CCDC171: variants seen among roughly 807,000 people sequenced by gnomAD.
The protein encoded by CCDC171 is coiled-coil domain-containing protein 171.
CCDC171 carries 177 observed loss-of-function variants against 168.2 expected under a neutral mutation model. The observed-to-expected ratio is 1.05, with a 90% CI of 0.93 to 1.19. The LOEUF is 1.19. Among genes scored for constraint, CCDC171 ranks in the 50% most tolerant of loss-of-function variants. The pLI, the probability that CCDC171 is intolerant of heterozygous loss-of-function variation, is 0.00. For synonymous variants in CCDC171, 687 were observed against 540.8 expected, an observed-to-expected ratio of 1.27 and a Z score of -3.75; for missense variants, 1,991 against 1,539.0, an observed-to-expected ratio of 1.29 and a Z score of -4.91.
chr9:15,665,358 A>G (rs2133139124), intron 8 of CCDC171, among the ~76,000 whole-genome samples: 1 of 152,352 alleles, frequency 6.6e-6, no homozygotes, highest in East Asian at 1.9e-4. Context: ...GTATTGTTTG[A>G]CAATAAGAAG....
intron 6 of CCDC171, among the ~76,000 whole-genome samples, chr9:16,029,685 A>T (rs1833335998): frequency 6.6e-6 from 1 of 152,216 alleles, no homozygotes; most frequent in East Asian, 1.9e-4. Flanking sequence ...AGGGTTAGAG[A>T]GGAAAAGATA....
At chr9:15,691,046 CAG>C (rs1204826181) in intron 10 of CCDC171, among the ~76,000 whole-genome samples, 1 of 152,092 alleles carries the variant, frequency 6.6e-6, no homozygotes, top group Non-Finnish European at 1.5e-5. Context: ...TGTCTGAAAA[CAG>C]TGTGTTTCCT....
At chr9:15,984,662 A>G (rs1275284143) in intron 3 of CCDC171, among the ~76,000 whole-genome samples, 1 of 152,112 alleles carries the variant, frequency 6.6e-6, no homozygotes, top group Non-Finnish European at 1.5e-5. Context: ...CTATCAGGCA[A>G]TGTTGAGAAT....
intron 3 of CCDC171, among the ~76,000 whole-genome samples, chr9:15,986,704 C>T (rs1832002037): frequency 6.6e-6 from 1 of 152,134 alleles, no homozygotes; most frequent in Admixed American, 6.5e-5. Context: ...TAACTAGGAC[C>T]TTGGAGAACT....
At chr9:15,617,823 A>T (rs1382870590) in intron 6 of CCDC171, among the ~76,000 whole-genome samples, 1 of 152,064 alleles carries the variant, frequency 6.6e-6, no homozygotes, top group Non-Finnish European at 1.5e-5. Flanking sequence ...TTGCCTGGGT[A>T]TCACTAGTGG....
chr9:15,591,696 G>C (rs1190938936), intron 5 of CCDC171, 140 bp downstream of exon 5: 7 of 586,026 alleles, frequency 1.2e-5, no homozygotes, highest in Non-Finnish European at 1.2e-5. Context: ...TTCTTTTTTA[G>C]GGGCATATTT....
rs373329752 is a variant in CCDC171, at chr9:15,960,837, G to A, written c.3754-10772G>A. ...TAGCCAGTCCCTCCAGAAAGGCCCA[G>A]CTATGGAACTGTTCAAAGGGTCCAC... On this transcript the variant is annotated intron_variant, in intron 25 of 25. Coordinates refer to ENST00000380701, the MANE Select transcript of CCDC171 (RefSeq NM_173550.4). 5.2e-4 allele frequency among the ~76,000 whole-genome samples: 79 copies of A among 152,228 alleles called. No individual in the cohort carries two copies. In the South Asian group the frequency reaches 0.016, roughly 31 times the overall value.
At chr9:15,815,442 G>C (rs1308184414) in intron 21 of CCDC171, among the ~76,000 whole-genome samples, 1 of 98,270 alleles carries the variant, frequency 1.0e-5, no homozygotes, top group Admixed American at 9.9e-5. Flanking sequence ...TTTTTACAAA[G>C]AATATGTGTT....
chr9:15,984,716 A>T (rs1257238785), intron 3 of CCDC171, among the ~76,000 whole-genome samples: 2 of 152,144 alleles, frequency 1.3e-5, no homozygotes, highest in Admixed American at 6.5e-5. Context: ...AGTTCTCATG[A>T]TTTGATATTT....
At chr9:15,593,175 A>C (rs565825580) in intron 5 of CCDC171, among the ~76,000 whole-genome samples, 4 of 152,206 alleles carry the variant, frequency 2.6e-5, no homozygotes, top group Non-Finnish European at 5.9e-5. Flanking sequence ...CTTTCTTTCT[A>C]TAAGTTAGGA....
At chr9:16,100,419 G>A in the CCDC171 span, among the ~76,000 whole-genome samples, 3 of 152,082 alleles carry the variant, frequency 2.0e-5, no homozygotes, top group African/African-American at 4.8e-5. Flanking sequence ...AAGGGTGGGG[G>A]GTCTGGTGGA....
intron 1 of CCDC171, among the ~76,000 whole-genome samples, chr9:16,051,201 G>T (rs1414370779): frequency 1.3e-5 from 2 of 152,018 alleles, no homozygotes; most frequent in Admixed American, 6.5e-5. Context: ...CAACATTCAG[G>T]ATTGTGTCTT....
chr9:15,609,245 G>C (rs994431477), intron 6 of CCDC171, among the ~76,000 whole-genome samples: 3 of 151,706 alleles, frequency 2.0e-5, no homozygotes, highest in Non-Finnish European at 4.4e-5. Context: ...GATTACAGGT[G>C]CCTGCCACCA....
intron 21 of CCDC171, among the ~76,000 whole-genome samples, chr9:15,829,113 A>C (rs576199205): frequency 6.6e-6 from 1 of 152,350 alleles, no homozygotes; most frequent in South Asian, 2.1e-4. Context: ...AGCAACCTAT[A>C]GTATAGACAC....
chr9:15,631,026 G>C (rs1175417217), intron 7 of CCDC171, among the ~76,000 whole-genome samples: 2 of 152,160 alleles, frequency 1.3e-5, no homozygotes, highest in East Asian at 3.9e-4. Context: ...AAAGCAGTGT[G>C]TAGAGGGAAA....
chr9:16,020,724 C>T (rs548591796), exon 4 of CCDC171: 4 of 154,412 alleles, frequency 2.6e-5, no homozygotes, highest in South Asian at 4.1e-4. Flanking sequence ...GATACCTGGA[C>T]GAAGGGAGGA....
chr9:15,793,551 G>GTT (rs3082839), intron 21 of CCDC171, among the ~76,000 whole-genome samples: 6,860 of 77,002 alleles, frequency 0.089, 1,899 homozygotes, highest in African/African-American at 0.16. Flanking sequence ...TTATTCCAAG[G>GTT]TTTTTTTTTT....
chr9:15,560,863 G>T (rs1304203561), intron 1 of CCDC171, among the ~76,000 whole-genome samples: 2 of 152,046 alleles, frequency 1.3e-5, no homozygotes, highest in Non-Finnish European at 2.9e-5. Flanking sequence ...CATCTTTGTG[G>T]TTTTATCTAC....
chr9:15,637,179 C>G (rs1423181042), intron 7 of CCDC171, among the ~76,000 whole-genome samples: 7 of 152,074 alleles, frequency 4.6e-5, no homozygotes, highest in Non-Finnish European at 8.8e-5. Context: ...TCACTTGAAC[C>G]TGGGAGGTGG....
Sources: gnomAD v4.1 joint callset for allele counts (sites outside exome capture counted in the v4.1 genomes callset) on GRCh38, gnomAD v4.1.1 for gene constraint, MANE v1.5 for transcripts, NCBI Gene and HGNC (gene_info 2026-07-23, HGNC 2026-07-21) for gene names.